Variants in TLK1 observed in about 807,000 individuals in gnomAD.
TLK1 encodes the protein serine/threonine-protein kinase tousled-like 1.
TLK1 carries 24 observed loss-of-function variants against 105.3 expected under a neutral mutation model. The ratio of observed to expected loss-of-function variants is 0.23; its 90% confidence interval spans 0.17 to 0.32. The LOEUF (loss-of-function observed/expected upper bound fraction) is 0.32. Among genes scored for constraint, TLK1 ranks in the 10% least tolerant of loss-of-function variants. The pLI, the probability that TLK1 is intolerant of heterozygous loss-of-function variation, is 1.00. For missense variants in TLK1, 558 were observed against 910.5 expected (o/e 0.61, Z 4.98); for synonymous variants, 321 against 310.4 (o/e 1.03, Z -0.36).
intron 1 of TLK1, among the ~76,000 whole-genome samples, chr2:171,228,208 C>T (rs1693935411): frequency 6.6e-6 from 1 of 152,180 alleles, no homozygotes; most frequent in Non-Finnish European, 1.5e-5. Context: ...AGAACATTGA[C>T]CTTTTCCTGA....
chr2:171,060,787 T>C (rs1027715958), intron 4 of TLK1, among the ~76,000 whole-genome samples: 2 of 152,136 alleles, frequency 1.3e-5, no homozygotes, highest in African/African-American at 4.8e-5. Context: ...GATTGAAGTT[T>C]TTAATTCAAA....
At chr2:171,037,493 AC>A (rs1393964334) in intron 11 of TLK1, among the ~76,000 whole-genome samples, 1 of 151,686 alleles carries the variant, frequency 6.6e-6, no homozygotes, top group Non-Finnish European at 1.5e-5. Flanking sequence ...GCATGGAGAT[AC>A]TCAAGCAAAA....
chr2:171,108,198 T>C (rs370699418), intron 2 of TLK1, among the ~76,000 whole-genome samples: 1 of 152,108 alleles, frequency 6.6e-6, no homozygotes, highest in South Asian at 2.1e-4. Context: ...ATGAAGAATA[T>C]GATGGCATTC....
intron 2 of TLK1, among the ~76,000 whole-genome samples, chr2:171,108,057 C>T (rs1575600823): frequency 9.3e-6 from 1 of 107,026 alleles, no homozygotes; most frequent in South Asian, 2.7e-4. Context: ...ACCCCTCTCT[C>T]AAAAAAAAAA....
At chr2:171,033,513 G>A (rs1233480824) in intron 11 of TLK1, among the ~76,000 whole-genome samples, 1 of 150,438 alleles carries the variant, frequency 6.6e-6, no homozygotes, top group Admixed American at 6.9e-5. Flanking sequence ...AACACAAGAG[G>A]ATGACAACAG....
At chr2:171,111,151 A>G (rs1405770531) in intron 2 of TLK1, among the ~76,000 whole-genome samples, 4 of 152,218 alleles carry the variant, frequency 2.6e-5, no homozygotes, top group African/African-American at 4.8e-5. Flanking sequence ...ATGAACAGAA[A>G]AGGAGAATAT....
intron 2 of TLK1, among the ~76,000 whole-genome samples, chr2:171,110,384 G>A (rs558467633): frequency 2.0e-5 from 3 of 152,194 alleles, no homozygotes; most frequent in Admixed American, 6.5e-5. Context: ...CAGAAGAATC[G>A]CTTGAACCTG....
intron 1 of TLK1, among the ~76,000 whole-genome samples, chr2:171,184,765 A>T (rs1330690139): frequency 1.3e-5 from 2 of 152,128 alleles, no homozygotes; most frequent in Admixed American, 1.3e-4. Flanking sequence ...TTCCTATTCA[A>T]TGTTGGTTTC....
At chr2:171,230,517 C>T (rs1423313339) in intron 1 of TLK1, among the ~76,000 whole-genome samples, 1 of 152,190 alleles carries the variant, frequency 6.6e-6, no homozygotes, top group Non-Finnish European at 1.5e-5. Context: ...CCTGTCCCGA[C>T]ACCACCCTGC....
intron 2 of TLK1, among the ~76,000 whole-genome samples, chr2:171,115,418 C>A (rs1690378794): frequency 1.3e-5 from 2 of 152,014 alleles, no homozygotes; most frequent in South Asian, 2.1e-4. Flanking sequence ...GGTGACCCGC[C>A]CACCTCGGCC....
chr2:171,142,154 G>A (rs1178067715), intron 1 of TLK1, among the ~76,000 whole-genome samples: 1 of 147,084 alleles, frequency 6.8e-6, no homozygotes, highest in Non-Finnish European at 1.5e-5. Flanking sequence ...TTTAAAAAAA[G>A]ATGGTCTAAC....
chr2:171,026,267 A>C (rs1050453558), intron 12 of TLK1, among the ~76,000 whole-genome samples: 24 of 152,152 alleles, frequency 1.6e-4, no homozygotes, highest in Admixed American at 1.4e-3. Context: ...AGTGTTCTAC[A>C]ACATTTTACA....
At chr2:171,030,572 TG>T (rs772328022) in intron 11 of TLK1, among the ~76,000 whole-genome samples, 9 of 152,274 alleles carry the variant, frequency 5.9e-5, no homozygotes, top group Non-Finnish European at 7.4e-5. Flanking sequence ...GATGTAGGAA[TG>T]TTAGCAAAAA....
intron 2 of TLK1, among the ~76,000 whole-genome samples, chr2:171,083,990 C>T (rs1688859837): frequency 6.6e-6 from 1 of 151,790 alleles, no homozygotes. Flanking sequence ...AAATACCCAC[C>T]AAAAAAATGT....
intron 2 of TLK1, among the ~76,000 whole-genome samples, chr2:171,087,941 A>G (rs1243716801): frequency 3.3e-5 from 5 of 152,198 alleles, no homozygotes; most frequent in African/African-American, 1.2e-4. Flanking sequence ...TTAGCAGCCA[A>G]GCTTTTACTC....
chr2:171,193,308 C>T (rs952770744), intron 1 of TLK1, among the ~76,000 whole-genome samples: 2 of 152,082 alleles, frequency 1.3e-5, no homozygotes, highest in African/African-American at 4.8e-5. Context: ...TCATAAACCT[C>T]ACCAAAGCCG....
chr2:171,013,854 TTG>T (rs1685047597), intron 13 of TLK1, among the ~76,000 whole-genome samples: 2 of 152,354 alleles, frequency 1.3e-5, no homozygotes, highest in Non-Finnish European at 2.9e-5. Context: ...CTTTCCTCTC[TTG>T]TACATCAACT....
At chr2:171,019,012 T>G (rs1249378607) in intron 12 of TLK1, among the ~76,000 whole-genome samples, 1 of 152,156 alleles carries the variant, frequency 6.6e-6, no homozygotes, top group Non-Finnish European at 1.5e-5. Flanking sequence ...AAATAAAATC[T>G]AATACTCACA....
At chr2:171,030,705 T>C (rs555420451) in intron 11 of TLK1, among the ~76,000 whole-genome samples, 8 of 152,312 alleles carry the variant, frequency 5.3e-5, no homozygotes, top group Admixed American at 1.3e-4. Context: ...TAGTAGGCCA[T>C]AGTATGGGCT....
Sources: gnomAD v4.1 joint callset for allele counts (sites outside exome capture counted in the v4.1 genomes callset) on GRCh38, gnomAD v4.1.1 for gene constraint, MANE v1.5 for transcripts, NCBI Gene and HGNC (gene_info 2026-07-23, HGNC 2026-07-21) for gene names.